PIAS1: variants seen among roughly 807,000 people sequenced by gnomAD.
The protein encoded by PIAS1 is protein inhibitor of activated STAT 1.
A neutral mutation model predicts 71.3 loss-of-function variants in PIAS1; 6 were observed. The ratio of observed to expected loss-of-function variants is 0.08; its 90% CI spans 0.05 to 0.17. The LOEUF is 0.17. Among genes scored for constraint, PIAS1 ranks in the 10% least tolerant of loss-of-function variants. PIAS1 has a pLI of 1.00. For synonymous variants in PIAS1, 303 were observed against 292.9 expected, an observed-to-expected ratio of 1.03 and a Z score of -0.35; for missense variants, 555 against 793.6, an observed-to-expected ratio of 0.70 and a Z score of 3.61.
chr15:68,172,023 C>T (rs1199340197), intron 8 of PIAS1, among the ~76,000 whole-genome samples: 1 of 152,080 alleles, frequency 6.6e-6, no homozygotes, highest in Non-Finnish European at 1.5e-5. Flanking sequence ...GTTAACTCAT[C>T]ATTTACATTA....
At chr15:68,139,889 A>G (rs928358200) in intron 2 of PIAS1, among the ~76,000 whole-genome samples, 5 of 152,164 alleles carry the variant, frequency 3.3e-5, no homozygotes, top group Non-Finnish European at 7.3e-5. Context: ...CAGTATGAAG[A>G]TTCTGTAATT....
chr15:68,088,123 C>G (rs2092299343), intron 2 of PIAS1, among the ~76,000 whole-genome samples: 1 of 140,334 alleles, frequency 7.1e-6, no homozygotes, highest in African/African-American at 2.7e-5. Flanking sequence ...TCCCTTTTTT[C>G]CCCTTAATAA....
At chr15:68,179,628 TG>T (rs1405544223) in intron 11 of PIAS1, among the ~76,000 whole-genome samples, 1 of 132,310 alleles carries the variant, frequency 7.6e-6, no homozygotes, top group East Asian at 2.5e-4. Context: ...CAGGCTGGAG[TG>T]CAGTGGCACC....
At chr15:68,102,987 GCA>G (rs1027194200) in intron 2 of PIAS1, among the ~76,000 whole-genome samples, 2 of 151,836 alleles carry the variant, frequency 1.3e-5, no homozygotes, top group African/African-American at 4.8e-5. Context: ...GAGTATAGTA[GCA>G]CAGTCTCGGC....
intron 1 of PIAS1, among the ~76,000 whole-genome samples, chr15:68,075,101 T>A (rs2092145392): frequency 6.9e-6 from 1 of 145,022 alleles, no homozygotes; most frequent in African/African-American, 2.5e-5. Context: ...TTTTTTTTTT[T>A]TTTGAGGCGG....
chr15:68,168,710 C>T (rs2092972201), intron 8 of PIAS1, among the ~76,000 whole-genome samples: 1 of 152,074 alleles, frequency 6.6e-6, no homozygotes, highest in South Asian at 2.1e-4. Flanking sequence ...AGAATTATCA[C>T]ATAATAGTTA....
chr15:68,070,325 A>T (rs2092081519), intron 1 of PIAS1, among the ~76,000 whole-genome samples: 1 of 152,204 alleles, frequency 6.6e-6, no homozygotes, highest in South Asian at 2.1e-4. Context: ...ATCTTTGTGA[A>T]TTGAATTCTT....
At chr15:68,152,493 G>A (rs1225842833) in intron 6 of PIAS1, among the ~76,000 whole-genome samples, 1 of 152,114 alleles carries the variant, frequency 6.6e-6, no homozygotes, top group Non-Finnish European at 1.5e-5. Flanking sequence ...TTGGTTTCTA[G>A]TGTCTGCTCT....
At chr15:68,110,382 G>A (rs1335976628) in intron 2 of PIAS1, among the ~76,000 whole-genome samples, 1 of 152,042 alleles carries the variant, frequency 6.6e-6, no homozygotes, top group Non-Finnish European at 1.5e-5. Flanking sequence ...ATCACCTGAA[G>A]GTCAGGAGTT....
Position 68,176,568 on chromosome 15 carries a change from C to T in PIAS1, c.1395C>T (p.Asp465=). The T allele has an allele frequency of 3.7e-6, 6 of 1,612,850 alleles. No homozygotes were observed. Among genetic ancestry groups the T allele is most frequent in the Middle Eastern group, 1.7e-4 (1 of 6,056 alleles). ...TAGAAGTGATTGACCTAACCATAGACAGTTCATCTGATGAAGAGGAAGAAG... is the reference window on the plus strand; with the variant it reads ...TAGAAGTGATTGACCTAACCATAGATAGTTCATCTGATGAAGAGGAAGAAG... ...KKVEVIDLTI[D]SSSDEEEEEP... Residue 465 remains aspartate, a synonymous_variant, in exon 11 of 14, where the codon GAC becomes GAT. Coordinates refer to ENST00000249636, the MANE Select transcript of PIAS1 (RefSeq NM_016166.3).
chr15:68,104,370 A>G (rs929875567), intron 2 of PIAS1, among the ~76,000 whole-genome samples: 1 of 152,016 alleles, frequency 6.6e-6, no homozygotes, highest in African/African-American at 2.4e-5. Context: ...TCTGCCTTCT[A>G]TTTCTGTAGG....
At chr15:68,153,721 T>G in intron 7 of PIAS1, 26 bp downstream of exon 7, 1 of 1,135,416 alleles carries the variant, frequency 8.8e-7, no homozygotes, top group Non-Finnish European at 1.3e-6. Flanking sequence ...TTATTTCACT[T>G]ATTCAGCTAT....
chr15:68,151,683 AAC>A (rs754171390), intron 6 of PIAS1, among the ~76,000 whole-genome samples: 14 of 134,856 alleles, frequency 1.0e-4, no homozygotes, highest in African/African-American at 1.9e-4. Context: ...AAAAAAACAA[AAC>A]ACACACACAC....
chr15:68,122,706 A>G (rs1391557308), intron 2 of PIAS1, among the ~76,000 whole-genome samples: 2 of 152,150 alleles, frequency 1.3e-5, no homozygotes, highest in Admixed American at 1.3e-4. Context: ...AGATGAGTAG[A>G]CTCTCTTCAT....
At chr15:68,119,604 G>T (rs1567050180) in intron 2 of PIAS1, among the ~76,000 whole-genome samples, 1 of 152,104 alleles carries the variant, frequency 6.6e-6, no homozygotes, top group Non-Finnish European at 1.5e-5. Context: ...GTCTATCTTG[G>T]TAAATGTTCT....
chr15:68,076,918 C>T (rs1018513761), intron 1 of PIAS1, among the ~76,000 whole-genome samples: 5 of 152,016 alleles, frequency 3.3e-5, no homozygotes, highest in African/African-American at 4.8e-5. Context: ...TACCACATTT[C>T]GTGATAATTG....
chr15:68,086,249 AT>A lies in PIAS1; in HGVS notation c.25-56del, dbSNP rs1304772278. Reference sequence around the variant, plus strand: ...GGGGGTTATAATAAAGTGTCATTTAATAGTGTAAATTATATTATTGGAATAC... The same window carrying A: ...GGGGGTTATAATAAAGTGTCATTTAAAGTGTAAATTATATTATTGGAATAC... On this transcript the variant is annotated intron_variant, in intron 1 of 13. Transcript: ENST00000249636. The surrounding 1 kb of genome is among the most constrained non-coding windows in gnomAD (Gnocchi z 7.2). 4 of 1,174,242 alleles carry A rather than the reference AT, an allele frequency of 3.4e-6. No individual in the cohort carries two copies. Among genetic ancestry groups the A allele is most frequent in the Non-Finnish European group, 4.8e-6 (4 of 838,118 alleles). 72.7% of individuals were successfully genotyped at this position (1,174,242 alleles called of 1,614,324 possible). A position where few individuals can be genotyped will look rare whatever the true frequency, so the allele number is the denominator to read the frequency against.
At position 68,167,396 on chromosome 15, in the gene PIAS1, A is replaced by C. The variant is rs2092964285; in HGVS notation, c.1008+2592A>C. Among the ~76,000 whole-genome samples, 1 of 152,210 alleles carries C rather than the reference A, an allele frequency of 6.6e-6. No individual in the cohort carries two copies. Among genetic ancestry groups the C allele is most frequent in the Non-Finnish European group, 1.5e-5 (1 of 68,036 alleles). On this transcript the variant is annotated intron_variant, in intron 8 of 13. Transcript: ENST00000249636. The surrounding 1 kb of genome is among the most constrained non-coding windows in gnomAD (Gnocchi z 4.4). Reference sequence around the variant, plus strand: ...TAATAAAAGAGATTTGTGCTCTTTGAAATATGTAAATATGATGTCTCACTG... The same window carrying C: ...TAATAAAAGAGATTTGTGCTCTTTGCAATATGTAAATATGATGTCTCACTG...
At chr15:68,062,069 T>C (rs777951158) in intron 1 of PIAS1, among the ~76,000 whole-genome samples, 9 of 152,220 alleles carry the variant, frequency 5.9e-5, no homozygotes, top group Non-Finnish European at 7.3e-5. Flanking sequence ...TATAAGACAA[T>C]CTAAATTGAA....
Sources: allele counts gnomAD v4.1 joint callset (sites outside exome capture counted in the v4.1 genomes callset), GRCh38; gene constraint gnomAD v4.1.1; non-coding constraint Gnocchi (gnomAD v3.1); transcripts MANE v1.5; gene names NCBI Gene and HGNC (gene_info 2026-07-23, HGNC 2026-07-21).